NBDY: variants seen among roughly 807,000 people sequenced by gnomAD.
NBDY encodes the protein P-body dissociating protein.
At chrX:56,798,544 G>A (rs956095711) in intron 2 of NBDY, among the ~76,000 whole-genome samples, 9 of 111,871 alleles carry the variant, frequency 8.0e-5, no homozygotes, top group African/African-American at 2.3e-4. Context: ...AGCCCAAGGC[G>A]GTAAACTACC....
Position 56,817,581 on chromosome X carries a change from T to C in NBDY, c.*428T>C, listed in dbSNP as rs1322749084. 1 of 112,341 alleles carries C rather than the reference T, an allele frequency of 8.9e-6. No individual in the cohort carries two copies. The highest frequency in any genetic ancestry group is 2.8e-4 in the East Asian group (1 of 3,611). 9.3% of individuals were successfully genotyped at this position (112,341 alleles called of 1,213,427 possible). Reference sequence around the variant, plus strand: ...TAAAGTTTGTCTCTAAGCGCTGTGTTAGATCTATATGACTACATCTAGTAA... The same window carrying C: ...TAAAGTTTGTCTCTAAGCGCTGTGTCAGATCTATATGACTACATCTAGTAA... On this transcript the variant is annotated 3_prime_UTR_variant, in exon 3 of 3. Transcript: ENST00000374922.
intron 2 of NBDY, among the ~76,000 whole-genome samples, chrX:56,785,332 A>T (rs969199827): frequency 3.6e-5 from 4 of 110,732 alleles, no homozygotes; most frequent in Non-Finnish European, 7.6e-5. Flanking sequence ...TGGCATTGCG[A>T]CTCTGAGTGT....
intron 2 of NBDY, among the ~76,000 whole-genome samples, chrX:56,808,216 T>G (rs1190974027): frequency 9.0e-6 from 1 of 111,642 alleles, no homozygotes; most frequent in African/African-American, 3.3e-5. Flanking sequence ...AAATCCTCTT[T>G]CTTTGTTGTG....
At chrX:56,785,967 G>A (rs2069725173) in intron 2 of NBDY, among the ~76,000 whole-genome samples, 1 of 111,367 alleles carries the variant, frequency 9.0e-6, no homozygotes, top group African/African-American at 3.3e-5. Context: ...AGGGAAAACA[G>A]GCTTACTTTT....
chrX:56,799,409 G>A (rs2069810329), intron 2 of NBDY, among the ~76,000 whole-genome samples: 1 of 113,452 alleles, frequency 8.8e-6, no homozygotes, highest in South Asian at 3.6e-4. Context: ...CCCATTTCAA[G>A]ATGGGGAAGC....
In NBDY at chrX:56,818,717, C is replaced by T. The variant is rs763349361; in HGVS notation, c.*1564C>T. Reference sequence around the variant, plus strand: ...AAAGTTCATATGAAAATGTAATGGACCCAGAATAGCCAAAACAATCTTGAA... The same window carrying T: ...AAAGTTCATATGAAAATGTAATGGATCCAGAATAGCCAAAACAATCTTGAA... On this transcript the variant is annotated 3_prime_UTR_variant, in exon 3 of 3. Transcript: ENST00000374922. The T allele has an allele frequency of 9.0e-6, 1 of 111,585 alleles. No homozygotes were observed. Among genetic ancestry groups the T allele is most frequent in the Non-Finnish European group, 1.9e-5 (1 of 53,082 alleles). 9.2% of individuals were successfully genotyped at this position (111,585 alleles called of 1,213,427 possible). A position where few individuals can be genotyped will look rare whatever the true frequency, so the allele number is the denominator to read the frequency against.
intron 2 of NBDY, among the ~76,000 whole-genome samples, chrX:56,750,004 A>C (rs1264360251): frequency 1.8e-5 from 2 of 111,543 alleles, no homozygotes; most frequent in Non-Finnish European, 3.8e-5. Flanking sequence ...CTTTCTTGTT[A>C]TTTCTATTTC....
At chrX:56,814,234 T>C (rs976897518) in intron 2 of NBDY, among the ~76,000 whole-genome samples, 2 of 110,939 alleles carry the variant, frequency 1.8e-5, no homozygotes, top group Non-Finnish European at 3.8e-5. Flanking sequence ...TTTTGAGTCT[T>C]TTTTTATTGA....
At position 56,729,601 on chromosome X, in the gene NBDY, TC is replaced by T. The variant is rs2069447451; in HGVS notation, c.*29+13del. On this transcript the variant is annotated intron_variant, in intron 1 of 2. Transcript: ENST00000374922. ...CCACCCTAAACCAGGTCAGATTCTTTCTCATCTAGGACATCTAGGCTCTTTG... is the reference window on the plus strand; with the variant it reads ...CCACCCTAAACCAGGTCAGATTCTTTTCATCTAGGACATCTAGGCTCTTTG... 3.4e-6 allele frequency: 1 copy of T among 295,834 alleles called. No homozygotes were observed. The highest frequency in any genetic ancestry group is 2.1e-4 in the South Asian group (1 of 4,733). 24.4% of individuals were successfully genotyped at this position (295,834 alleles called of 1,213,427 possible). A position where few individuals can be genotyped will look rare whatever the true frequency, so the allele number is the denominator to read the frequency against.
At chrX:56,788,503 C>A (rs1423281475) in intron 2 of NBDY, among the ~76,000 whole-genome samples, 1 of 112,694 alleles carries the variant, frequency 8.9e-6, no homozygotes, top group Non-Finnish European at 1.9e-5. Flanking sequence ...GGTGCCCTGG[C>A]TCCACAGCTG....
chrX:56,787,507 A>G (rs1029604277), intron 2 of NBDY, among the ~76,000 whole-genome samples: 1 of 111,673 alleles, frequency 9.0e-6, no homozygotes, highest in African/African-American at 3.3e-5. Flanking sequence ...CATGCCATTT[A>G]TTGGGCAACT....
chrX:56,740,603 C>T (rs754827189), intron 2 of NBDY, among the ~76,000 whole-genome samples: 2 of 111,553 alleles, frequency 1.8e-5, no homozygotes, highest in South Asian at 3.7e-4. Context: ...ACAATTTTTG[C>T]TTTGTATACT....
At chrX:56,795,340 G>A (rs939527328) in intron 2 of NBDY, among the ~76,000 whole-genome samples, 5 of 111,775 alleles carry the variant, frequency 4.5e-5, no homozygotes, top group Non-Finnish European at 5.6e-5. Context: ...AAATTATGCC[G>A]GCCCTTTAGG....
chrX:56,750,973 A>G (rs767568917), intron 2 of NBDY, among the ~76,000 whole-genome samples: 5 of 111,475 alleles, frequency 4.5e-5, no homozygotes, highest in Non-Finnish European at 7.5e-5. Flanking sequence ...AAATCCTTTA[A>G]TGATTTTTTG....
chrX:56,751,145 T>G (rs1327310658), intron 2 of NBDY, among the ~76,000 whole-genome samples: 1 of 110,970 alleles, frequency 9.0e-6, no homozygotes, highest in Non-Finnish European at 1.9e-5. Flanking sequence ...TTTTTTTTTT[T>G]GGATTTTATG....
chrX:56,789,682 T>C (rs1027544616), intron 2 of NBDY, among the ~76,000 whole-genome samples: 2 of 111,494 alleles, frequency 1.8e-5, no homozygotes, highest in African/African-American at 6.5e-5. Context: ...TACCTCTCTC[T>C]CTGGAGCCCA....
At chrX:56,807,670 C>T (rs1391162713) in intron 2 of NBDY, among the ~76,000 whole-genome samples, 3 of 111,900 alleles carry the variant, frequency 2.7e-5, no homozygotes, top group African/African-American at 9.8e-5. Context: ...GATTTTGTAT[C>T]CTGAGACTTT....
chrX:56,734,084 G>A (rs1318694814), intron 2 of NBDY, among the ~76,000 whole-genome samples: 1 of 112,196 alleles, frequency 8.9e-6, no homozygotes, highest in African/African-American at 3.2e-5. Context: ...GTACACTTTG[G>A]ATTTATTAAG....
chrX:56,743,755 G>T (rs900859503), intron 2 of NBDY, among the ~76,000 whole-genome samples: 1 of 109,843 alleles, frequency 9.1e-6, no homozygotes, highest in Non-Finnish European at 1.9e-5. Flanking sequence ...TATTTATTTT[G>T]TATTGTTTTC....
Sources: gnomAD v4.1 joint callset for allele counts (sites outside exome capture counted in the v4.1 genomes callset) on GRCh38, gnomAD v4.1.1 for gene constraint, MANE v1.5 for transcripts, NCBI Gene and HGNC (gene_info 2026-07-23, HGNC 2026-07-21) for gene names.